Variants in INPP1 observed in about 807,000 individuals in gnomAD.
The protein encoded by INPP1 is inositol polyphosphate-1-phosphatase, also known as inositol polyphosphate 1-phosphatase.
INPP1 carries 18 observed loss-of-function variants against 23.0 expected under a neutral mutation model. That is an observed-to-expected ratio of 0.78 (90% CI 0.54 to 1.16). The LOEUF (loss-of-function observed/expected upper bound fraction) is 1.16, where lower values mean the gene tolerates loss of function less well. Ranked by LOEUF, INPP1 falls within the 50% of genes most tolerant of loss-of-function variation. INPP1 has a pLI of 0.00. For synonymous variants in INPP1, 164 were observed against 176.3 expected (o/e 0.93, Z 0.55); for missense variants, 448 against 482.1 (o/e 0.93, Z 0.66).
In INPP1 at chr2:190,367,791, C is replaced by T. The variant is rs1689711246; in HGVS notation, c.466+896C>T. On this transcript the variant is annotated intron_variant, in intron 5 of 6. Transcript: ENST00000392329. The surrounding 1 kb of genome is among the most constrained non-coding windows in gnomAD (Gnocchi z 4.1). ...ATGTTTCCCAGGCTGGTCTCGAACT[C>T]CTGGGTTCAAGCGATCTGCCTGCCT... 6.6e-6 allele frequency among the ~76,000 whole-genome samples: 1 copy of T among 152,162 alleles called. No homozygotes were observed.
At chr2:190,347,534 T>C (rs2124912320) in intron 1 of INPP1, among the ~76,000 whole-genome samples, 1 of 152,284 alleles carries the variant, frequency 6.6e-6, no homozygotes, top group South Asian at 2.1e-4. Flanking sequence ...TTCTCCTTTT[T>C]TGGGGGGGGA....
In INPP1 at chr2:190,370,778, G is replaced by C. The variant is rs1476672444; in HGVS notation, c.642-66G>C. 27 of 1,133,280 alleles carry C rather than the reference G, an allele frequency of 2.4e-5. No individual in the cohort carries two copies. The East Asian group carries it at 4.5e-4, about 19-fold the overall frequency. The allele number at this position is 1,133,280 out of a possible 1,614,324, so 70.2% of individuals were successfully genotyped here. On this transcript the variant is annotated intron_variant, in intron 6 of 6. Coordinates refer to ENST00000392329, the MANE Select transcript of INPP1 (RefSeq NM_001128928.2). ...TGTATTTCTTCGTATCATTAAGTTT[G>C]AAAGTGACATGAGTAATGAAAAACA...
chr2:190,366,267 C>G (rs1416230418), intron 4 of INPP1, among the ~76,000 whole-genome samples: 1 of 119,138 alleles, frequency 8.4e-6, no homozygotes, highest in Non-Finnish European at 1.7e-5. Context: ...GTCTCTTTCA[C>G]TCTTCCTGTC....
intron 1 of INPP1, 70 bp downstream of exon 1, chr2:190,344,031 G>T: frequency 3.0e-6 from 1 of 336,676 alleles, no homozygotes. Flanking sequence ...CCTTGGATCT[G>T]GGGCCCGGGC....
At position 190,369,106 on chromosome 2, in the gene INPP1, C is replaced by T. The variant is rs773088923; in HGVS notation, c.470C>T (p.Ser157Leu). ...ACACATTTGTTTCCTTTTTCAGATT[C>T]AACTTATCAGTATATAAAAGGTTCT... ...ILGIWVDPID[S>L]TYQYIKGSAD... Residue 157 changes from serine to leucine, a missense_variant, in exon 6 of 7, where the codon TCA (serine) becomes TTA (leucine). Physicochemically the swap from Ser to Leu is moderately radical, Grantham distance 145. Transcript: ENST00000392329. The T allele has an allele frequency of 5.8e-6, 9 of 1,557,428 alleles. No individual in the cohort carries two copies. Among genetic ancestry groups the T allele is most frequent in the Non-Finnish European group, 7.9e-6 (9 of 1,144,016 alleles).
chr2:190,349,647 A>C (rs1020053454), intron 2 of INPP1, among the ~76,000 whole-genome samples: 30 of 152,284 alleles, frequency 2.0e-4, no homozygotes, highest in Admixed American at 1.6e-3. Context: ...TTTGTATACT[A>C]TCTGATTTCA....
chr2:190,351,281 A>C (rs1689319251), intron 2 of INPP1, among the ~76,000 whole-genome samples: 1 of 152,264 alleles, frequency 6.6e-6, no homozygotes, highest in East Asian at 1.9e-4. Flanking sequence ...CTCCTGAAGG[A>C]GCCAACAGTT....
chr2:190,345,555 C>T lies in INPP1; in HGVS notation c.-209+1594C>T, dbSNP rs757900904. The T allele has an allele frequency of 4.6e-5, 7 of 152,100 alleles. No homozygotes were observed. Among genetic ancestry groups the T allele is most frequent in the South Asian group, 2.1e-4 (1 of 4,830 alleles). 9.4% of individuals were successfully genotyped at this position (152,100 alleles called of 1,614,324 possible). On this transcript the variant is annotated intron_variant, in intron 1 of 6. Transcript: ENST00000392329. This position sits in a 1 kb window ranked among gnomAD's most constrained non-coding sequence, Gnocchi z 4.9. ...ATATAAAGTGATCAATGAAAACAAA[C>T]GTCATCTTCATTTTTTAAAGGTGAG... is the stretch of plus-strand genomic sequence containing the variant.
At chr2:190,348,632 C>G (rs1575782810) in intron 1 of INPP1, among the ~76,000 whole-genome samples, 1 of 152,308 alleles carries the variant, frequency 6.6e-6, no homozygotes, top group South Asian at 2.1e-4. Flanking sequence ...CAAGTGGAAT[C>G]ATAGAGTATT....
rs766247477 is a variant in INPP1, at chr2:190,366,900, G to A, written c.466+5G>A. 15 of 1,568,786 alleles carry A rather than the reference G, an allele frequency of 9.6e-6. No individual in the cohort carries two copies. The highest frequency in any genetic ancestry group is 1.3e-5 in the Non-Finnish European group (15 of 1,138,932). On this transcript the variant is annotated splice_donor_5th_base_variant and intron_variant, in intron 5 of 6. Transcript: ENST00000392329. Reference sequence around the variant, plus strand: ...GAATTTGGGTGGACCCCATAGGTAAGTATAGGAAAGTATGTTTGTTCTTAT... The same window carrying A: ...GAATTTGGGTGGACCCCATAGGTAAATATAGGAAAGTATGTTTGTTCTTAT...
chr2:190,358,850 G>A (rs1217640756), intron 2 of INPP1, among the ~76,000 whole-genome samples: 3 of 152,202 alleles, frequency 2.0e-5, no homozygotes, highest in African/African-American at 7.2e-5. Flanking sequence ...GTCTCAACAA[G>A]TTGCATGTTT....
Position 190,367,730 on chromosome 2 carries a change from A to G in INPP1, c.466+835A>G, listed in dbSNP as rs571583584. Reference sequence around the variant, plus strand: ...AGTTGCATGCCACCTCACTAGGCTAATTTTTTATATTGTTTTTAGAGAAGG... The same window carrying G: ...AGTTGCATGCCACCTCACTAGGCTAGTTTTTTATATTGTTTTTAGAGAAGG... On this transcript the variant is annotated intron_variant, in intron 5 of 6. Coordinates refer to ENST00000392329, the MANE Select transcript of INPP1 (RefSeq NM_001128928.2). The surrounding 1 kb of genome is among the most constrained non-coding windows in gnomAD (Gnocchi z 4.1). 3.4e-4 allele frequency among the ~76,000 whole-genome samples: 51 copies of G among 152,070 alleles called. No homozygotes were observed. The highest frequency in any genetic ancestry group is 5.9e-4 in the Admixed American group (9 of 15,280).
chr2:190,343,977 C>A lies in INPP1; in HGVS notation c.-209+16C>A, dbSNP rs1314045328. 1 of 289,210 alleles carries A rather than the reference C, an allele frequency of 3.5e-6. No homozygotes were observed. Among genetic ancestry groups the A allele is most frequent in the South Asian group, 2.8e-5 (1 of 35,840 alleles). 17.9% of individuals were successfully genotyped at this position (289,210 alleles called of 1,614,324 possible). Reference sequence around the variant, plus strand: ...CCCGGCTTAGGTAACACGTTTTCCTCCTTACGACACCCACCACAGGGTCCC... The same window carrying A: ...CCCGGCTTAGGTAACACGTTTTCCTACTTACGACACCCACCACAGGGTCCC... On this transcript the variant is annotated intron_variant, in intron 1 of 6. Transcript: ENST00000392329.
In INPP1 at chr2:190,366,793, G is replaced by A. The variant is rs780112337; in HGVS notation, c.364G>A (p.Ala122Thr). The A allele has an allele frequency of 2.5e-6, 4 of 1,613,550 alleles. No individual in the cohort carries two copies. The highest frequency in any genetic ancestry group is 2.2e-5 in the South Asian group (2 of 91,066). Reference sequence around the variant, plus strand: ...TAACAAGGTGGCATCTGAAGCATTAGCCAGGGTTGTTCATCAGGATGTTGC... The same window carrying A: ...TAACAAGGTGGCATCTGAAGCATTAACCAGGGTTGTTCATCAGGATGTTGC... ...NGNKVASEALARVVHQDVAFT... is the reference protein window; with the variant it reads ...NGNKVASEALTRVVHQDVAFT... The change falls in exon 5 of 7, where the codon GCC (alanine) becomes ACC (threonine). Residue 122 changes from alanine (A) to threonine (T), a missense_variant. By Grantham distance (58) the Ala-to-Thr change is moderately conservative. Transcript: ENST00000392329.
chr2:190,369,751 T>C (rs138961790), intron 6 of INPP1, among the ~76,000 whole-genome samples: 1 of 152,300 alleles, frequency 6.6e-6, no homozygotes, highest in African/African-American at 2.4e-5. Context: ...TCACACTCCC[T>C]TTCTGCCTCC....
intron 2 of INPP1, among the ~76,000 whole-genome samples, chr2:190,349,657 A>G (rs1689289052): frequency 6.6e-6 from 1 of 152,198 alleles, no homozygotes. Context: ...ATCTGATTTC[A>G]GGTTTCATTT....
Position 190,343,845 on chromosome 2 carries a change from G to C in INPP1, c.-325G>C, listed in dbSNP as rs2067388. 3.6e-5 allele frequency: 6 copies of C among 165,422 alleles called. No individual in the cohort carries two copies. Among genetic ancestry groups the C allele is most frequent in the African/African-American group, 9.6e-5 (4 of 41,662 alleles). The allele number at this position is 165,422 out of a possible 1,614,324, so 10.2% of individuals were successfully genotyped here. On this transcript the variant is annotated 5_prime_UTR_variant, in exon 1 of 7. Transcript: ENST00000392329. ...GGCCGCGCCTGCGGCCGCACGCCCA[G>C]CGCCCCTCGCCTAACCTCGCGCCCG...
In INPP1 at chr2:190,363,220, G is replaced by A. The variant is rs1448586210; in HGVS notation, c.265+533G>A. Reference sequence around the variant, plus strand: ...TGGATTAACTAAAAGATTCCTTTTAGTACTAAGTTTTTTGGTTTGTTTGTT... The same window carrying A: ...TGGATTAACTAAAAGATTCCTTTTAATACTAAGTTTTTTGGTTTGTTTGTT... On this transcript the variant is annotated intron_variant, in intron 4 of 6. Transcript: ENST00000392329. The surrounding 1 kb of genome is among the most constrained non-coding windows in gnomAD (Gnocchi z 4.4). Among the ~76,000 whole-genome samples the A allele has an allele frequency of 6.6e-6, 1 of 152,118 alleles. No individual in the cohort carries two copies. Among genetic ancestry groups the A allele is most frequent in the Non-Finnish European group, 1.5e-5 (1 of 68,020 alleles).
At chr2:190,353,574 T>C (rs1689363008) in intron 2 of INPP1, among the ~76,000 whole-genome samples, 1 of 152,236 alleles carries the variant, frequency 6.6e-6, no homozygotes, top group Non-Finnish European at 1.5e-5. Flanking sequence ...TGTGTAAAGC[T>C]CTGTGCTCTG....
Sources: gnomAD v4.1 joint callset for allele counts (sites outside exome capture counted in the v4.1 genomes callset) on GRCh38, gnomAD v4.1.1 for gene constraint, Gnocchi (gnomAD v3.1) non-coding constraint, MANE v1.5 for transcripts, NCBI Gene and HGNC (gene_info 2026-07-23, HGNC 2026-07-21) for gene names.